ARID1B: variants seen among roughly 807,000 people sequenced by gnomAD.
ARID1B encodes AT-rich interaction domain 1B.
Under a neutral mutation model 212.3 loss-of-function variants are expected in ARID1B, and 30 were observed. That is an observed-to-expected ratio of 0.14 (90% CI 0.11 to 0.19). The LOEUF (loss-of-function observed/expected upper bound fraction) is 0.19. Among genes scored for constraint, ARID1B ranks in the 10% least tolerant of loss-of-function variants. The pLI, the probability that ARID1B is intolerant of heterozygous loss-of-function variation, is 1.00. For missense variants in ARID1B, 2,891 were observed against 3,204.0 expected (o/e 0.90, Z 2.36); for synonymous variants, 1,402 against 1,301.7 (o/e 1.08, Z -1.66).
chr6:157,031,411 C>G (rs554278646), intron 4 of ARID1B, among the ~76,000 whole-genome samples: 6 of 152,242 alleles, frequency 3.9e-5, no homozygotes, highest in African/African-American at 1.2e-4. Context: ...ATTATTCTTT[C>G]CAAGAGCATC....
chr6:156,983,287 C>T lies in ARID1B; in HGVS notation c.2247+47711C>T, dbSNP rs141479963. On this transcript the variant is annotated intron_variant, in intron 4 of 19. Coordinates refer to ENST00000636930, the MANE Select transcript of ARID1B (RefSeq NM_001374828.1). ...GCAGGCGCCTGTAATCCCAGCTACT[C>T]GAGAGGCTGAGACAGGAGAATCGCT... 3.0e-3 allele frequency among the ~76,000 whole-genome samples: 457 copies of T among 152,068 alleles called. 4 individuals carry two copies. Among genetic ancestry groups the T allele is most frequent in the African/African-American group, 0.01 (433 of 41,486 alleles).
At chr6:157,015,150 T>A (rs1779846932) in intron 4 of ARID1B, among the ~76,000 whole-genome samples, 1 of 152,118 alleles carries the variant, frequency 6.6e-6, no homozygotes, top group African/African-American at 2.4e-5. Flanking sequence ...GAACTGTGAC[T>A]TGAAGAATAA....
At chr6:157,022,606 G>C (rs1212956976) in intron 4 of ARID1B, 3 of 152,190 alleles carry the variant, frequency 2.0e-5, no homozygotes, top group Non-Finnish European at 1.5e-5. Context: ...TGAAACTATA[G>C]TAGATTAACC....
At chr6:157,160,647 A>G (rs558817814) in intron 8 of ARID1B, among the ~76,000 whole-genome samples, 1 of 152,250 alleles carries the variant, frequency 6.6e-6, no homozygotes, top group East Asian at 1.9e-4. Context: ...TAAAAACCCC[A>G]AGTGTCTTCC....
chr6:156,903,292 A>G (rs1789101030), intron 3 of ARID1B, among the ~76,000 whole-genome samples: 1 of 152,220 alleles, frequency 6.6e-6, no homozygotes, highest in Admixed American at 6.5e-5. Flanking sequence ...TATTGCTATC[A>G]TTTTATTGAT....
Position 157,180,660 on chromosome 6 carries a change from C to T in ARID1B, c.3505-309C>T, listed in dbSNP as rs548442418. Among the ~76,000 whole-genome samples the T allele has an allele frequency of 2.6e-5, 4 of 152,262 alleles. No individual in the cohort carries two copies. The East Asian group carries it at 7.7e-4, about 29-fold the overall frequency. On this transcript the variant is annotated intron_variant, in intron 11 of 19. Coordinates refer to ENST00000636930, the MANE Select transcript of ARID1B (RefSeq NM_001374828.1). ...TATTTTTAAAAATAACATGAGGTGTCACTGGAATTTTGCCTTCTGGGATTC... is the reference window on the plus strand; with the variant it reads ...TATTTTTAAAAATAACATGAGGTGTTACTGGAATTTTGCCTTCTGGGATTC...
intron 15 of ARID1B, chr6:157,195,057 ACT>A (rs1793623487): frequency 2.6e-5 from 4 of 152,240 alleles, no homozygotes; most frequent in African/African-American, 9.6e-5. Context: ...CTCAGAGGTA[ACT>A]TACCCAAGTA....
At chr6:157,083,951 T>C (rs1025649058) in intron 4 of ARID1B, among the ~76,000 whole-genome samples, 2 of 151,944 alleles carry the variant, frequency 1.3e-5, no homozygotes, top group African/African-American at 4.8e-5. Flanking sequence ...CTGGCCAACA[T>C]GGTGAAACCC....
intron 4 of ARID1B, among the ~76,000 whole-genome samples, chr6:156,966,193 T>C (rs1455796053): frequency 6.6e-6 from 1 of 152,164 alleles, no homozygotes; most frequent in Non-Finnish European, 1.5e-5. Context: ...AACTTGAAAT[T>C]TACATTAAAT....
intron 5 of ARID1B, among the ~76,000 whole-genome samples, chr6:157,102,185 A>G (rs1786091354): frequency 6.6e-6 from 1 of 152,190 alleles, no homozygotes; most frequent in Non-Finnish European, 1.5e-5. Context: ...TAACCTCAAT[A>G]AAGGATTAAT....
intron 4 of ARID1B, chr6:156,976,743 A>T (rs528657813): frequency 4.0e-6 from 2 of 493,928 alleles, no homozygotes; most frequent in South Asian, 3.1e-5. Flanking sequence ...ACTCACCGTG[A>T]AGGTCCGCAG....
chr6:156,818,124 T>TTTTTC, intron 1 of ARID1B, among the ~76,000 whole-genome samples: 1 of 133,442 alleles, frequency 7.5e-6, no homozygotes, highest in East Asian at 2.6e-4. Flanking sequence ...TTTTTTTTTT[T>TTTTTC]AGAATATAAG....
intron 7 of ARID1B, among the ~76,000 whole-genome samples, chr6:157,135,300 A>G (rs78853215): frequency 0.032 from 4,874 of 152,290 alleles, 103 homozygotes; most frequent in Non-Finnish European, 0.05. Flanking sequence ...TGTTCTACGA[A>G]TAAAGCCTTG....
chr6:157,082,970 T>C (rs1244122823), intron 4 of ARID1B, among the ~76,000 whole-genome samples: 1 of 152,234 alleles, frequency 6.6e-6, no homozygotes, highest in Non-Finnish European at 1.5e-5. Context: ...TTATATGCTA[T>C]AACAGATGCT....
At chr6:156,966,193 T>G (rs1455796053) in intron 4 of ARID1B, among the ~76,000 whole-genome samples, 3 of 152,164 alleles carry the variant, frequency 2.0e-5, no homozygotes, top group Non-Finnish European at 2.9e-5. Flanking sequence ...AACTTGAAAT[T>G]TACATTAAAT....
intron 3 of ARID1B, among the ~76,000 whole-genome samples, chr6:156,916,422 G>C (rs975301521): frequency 6.6e-6 from 1 of 151,976 alleles, no homozygotes; most frequent in Non-Finnish European, 1.5e-5. Flanking sequence ...CCCAACACTC[G>C]TCATTTCCTT....
intron 4 of ARID1B, among the ~76,000 whole-genome samples, chr6:157,019,929 C>T (rs1048482754): frequency 1.3e-5 from 2 of 152,226 alleles, no homozygotes; most frequent in African/African-American, 4.8e-5. Context: ...TCTTCCCCTT[C>T]ATATGCAGCC....
At chr6:157,127,961 CAA>C (rs1279121300) in intron 6 of ARID1B, among the ~76,000 whole-genome samples, 20 of 88,344 alleles carry the variant, frequency 2.3e-4, no homozygotes, top group Admixed American at 2.6e-4. Flanking sequence ...GACTTCATCT[CAA>C]AAAAAAAAAA....
intron 1 of ARID1B, among the ~76,000 whole-genome samples, chr6:156,782,393 G>T (rs1487774427): frequency 6.6e-6 from 1 of 152,028 alleles, no homozygotes. Flanking sequence ...TAAGCCATTT[G>T]ACGATTCAGT....
Sources: allele counts gnomAD v4.1 joint callset (sites outside exome capture counted in the v4.1 genomes callset), GRCh38; gene constraint gnomAD v4.1.1; transcripts MANE v1.5; gene names NCBI Gene and HGNC (gene_info 2026-07-23, HGNC 2026-07-21).